Variants in SPIDR observed in about 807,000 individuals in gnomAD.
SPIDR encodes the protein DNA repair-scaffolding protein.
Under a neutral mutation model 104.6 loss-of-function variants are expected in SPIDR, and 93 were observed. The observed-to-expected ratio is 0.89, with a 90% confidence interval of 0.75 to 1.06. The LOEUF (loss-of-function observed/expected upper bound fraction) is 1.06, where lower values mean the gene tolerates loss of function less well. Among genes scored for constraint, SPIDR ranks in the 50% least tolerant of loss-of-function variants. The probability of loss-of-function intolerance (pLI) is 0.00; values close to 1 mark genes in which losing one functional copy is unlikely to be tolerated. For synonymous variants in SPIDR, 431 were observed against 416.9 expected (o/e 1.03, Z -0.41); for missense variants, 1,154 against 1,111.2 (o/e 1.04, Z -0.55).
intron 10 of SPIDR, among the ~76,000 whole-genome samples, chr8:47,602,102 TA>T (rs2062370741): frequency 6.6e-6 from 1 of 152,260 alleles, no homozygotes; most frequent in South Asian, 2.1e-4. Flanking sequence ...GGCAGTTTTT[TA>T]TACATGTACA....
At chr8:47,284,981 C>T (rs953283245) in intron 3 of SPIDR, among the ~76,000 whole-genome samples, 31 of 152,322 alleles carry the variant, frequency 2.0e-4, no homozygotes, top group Middle Eastern at 3.4e-3. Flanking sequence ...TTGTGACTTC[C>T]GGGATCTTGC....
At chr8:47,656,617 T>G (rs2072868711) in intron 10 of SPIDR, among the ~76,000 whole-genome samples, 1 of 152,154 alleles carries the variant, frequency 6.6e-6, no homozygotes, top group Non-Finnish European at 1.5e-5. Flanking sequence ...CCCCAAAAAG[T>G]TAAACATGGA....
chr8:47,420,037 A>G (rs1261530086), intron 7 of SPIDR, among the ~76,000 whole-genome samples: 5 of 152,124 alleles, frequency 3.3e-5, no homozygotes, highest in East Asian at 1.9e-4. Context: ...ATTTCCAACT[A>G]TGTGGTCAGT....
At chr8:47,481,563 C>T (rs891012863) in intron 8 of SPIDR, among the ~76,000 whole-genome samples, 7 of 152,210 alleles carry the variant, frequency 4.6e-5, no homozygotes, top group African/African-American at 1.7e-4. Flanking sequence ...ATCGCCTGAA[C>T]CTGGGAGGCT....
chr8:47,285,362 A>G (rs1357101164), intron 3 of SPIDR, among the ~76,000 whole-genome samples: 1 of 152,220 alleles, frequency 6.6e-6, no homozygotes, highest in Non-Finnish European at 1.5e-5. Flanking sequence ...AAACTAGTAC[A>G]CATCTTTTAA....
chr8:47,699,566 T>C (rs1286192006), intron 11 of SPIDR, among the ~76,000 whole-genome samples: 1 of 152,206 alleles, frequency 6.6e-6, no homozygotes, highest in Non-Finnish European at 1.5e-5. Flanking sequence ...GATAACTTTT[T>C]TTTTTTGAGA....
At chr8:47,631,438 G>A (rs1201825422) in intron 10 of SPIDR, among the ~76,000 whole-genome samples, 2 of 152,214 alleles carry the variant, frequency 1.3e-5, no homozygotes, top group Non-Finnish European at 2.9e-5. Context: ...CCTGGTGGTT[G>A]CATATGGCAT....
chr8:47,496,486 C>T lies in SPIDR; in HGVS notation c.1097+55944C>T, dbSNP rs80176800. Among the ~76,000 whole-genome samples the T allele has an allele frequency of 1.2e-4, 18 of 152,180 alleles. No individual in the cohort carries two copies. The East Asian group carries it at 3.3e-3, about 28-fold the overall frequency. ...ACTTTTTTTCTTTAGTGAGATGATT[C>T]TGTTACATTAATTGAGTTTCAAGTG... On this transcript the variant is annotated intron_variant, in intron 8 of 19. Transcript: ENST00000297423.
At chr8:47,326,278 G>T (rs1451886162) in intron 5 of SPIDR, among the ~76,000 whole-genome samples, 1 of 152,106 alleles carries the variant, frequency 6.6e-6, no homozygotes, top group Non-Finnish European at 1.5e-5. Flanking sequence ...GCCTCCCAAA[G>T]TGCTGGGATT....
At chr8:47,361,607 G>A (rs1467409350) in intron 5 of SPIDR, among the ~76,000 whole-genome samples, 3 of 152,332 alleles carry the variant, frequency 2.0e-5, no homozygotes, top group African/African-American at 7.2e-5. Flanking sequence ...ATTCTCAGAC[G>A]CTTCTGCCAC....
At chr8:47,527,736 GTT>G (rs2085254850) in intron 8 of SPIDR, 1 of 152,200 alleles carries the variant, frequency 6.6e-6, no homozygotes, top group Non-Finnish European at 1.5e-5. Context: ...TCTTGGTTGG[GTT>G]CACCAGATGT....
chr8:47,260,945 C>T lies in SPIDR; in HGVS notation c.-14C>T. 1 of 1,228,102 alleles carries T rather than the reference C, an allele frequency of 8.1e-7. No individual in the cohort carries two copies. The highest frequency in any genetic ancestry group is 1.0e-6 in the Non-Finnish European group (1 of 985,378). 76.1% of individuals were successfully genotyped at this position (1,228,102 alleles called of 1,614,324 possible). A position where few individuals can be genotyped will look rare whatever the true frequency, so the allele number is the denominator to read the frequency against. ...GCGCTGAGGAGGCGGTGCGCTCAGG[C>T]GGCGCTCCCGGAGATGCCCCGCGGC... On this transcript the variant is annotated 5_prime_UTR_variant, in exon 1 of 20. Transcript: ENST00000297423.
chr8:47,281,147 A>C (rs1343436751), intron 2 of SPIDR, among the ~76,000 whole-genome samples: 1 of 152,208 alleles, frequency 6.6e-6, no homozygotes, highest in Non-Finnish European at 1.5e-5. Context: ...AGCAATGTAT[A>C]TACCCTAATT....
chr8:47,617,033 T>C (rs944484481), intron 10 of SPIDR, among the ~76,000 whole-genome samples: 5 of 152,188 alleles, frequency 3.3e-5, no homozygotes, highest in Non-Finnish European at 7.3e-5. Flanking sequence ...CCTTATTTTG[T>C]GTTTTTTTTA....
intron 5 of SPIDR, among the ~76,000 whole-genome samples, chr8:47,319,073 G>A (rs1266567882): frequency 6.6e-6 from 1 of 151,826 alleles, no homozygotes; most frequent in Non-Finnish European, 1.5e-5. Context: ...CATAATGACA[G>A]GATCAAATTC....
intron 8 of SPIDR, among the ~76,000 whole-genome samples, chr8:47,468,182 A>C (rs1239625412): frequency 6.6e-6 from 1 of 152,196 alleles, no homozygotes; most frequent in Non-Finnish European, 1.5e-5. Flanking sequence ...ACTACAAAAC[A>C]CTGCTTAAAG....
At chr8:47,314,657 C>G (rs1013435992) in intron 5 of SPIDR, among the ~76,000 whole-genome samples, 1 of 152,150 alleles carries the variant, frequency 6.6e-6, no homozygotes, top group Non-Finnish European at 1.5e-5. Flanking sequence ...ATGCAGTTAC[C>G]TCCCACCAGG....
In SPIDR at chr8:47,377,732, A is replaced by G. The variant is rs146969585; in HGVS notation, c.526-18644A>G. On this transcript the variant is annotated intron_variant, in intron 5 of 19. Transcript: ENST00000297423. ...AGAGTGGTCAAGGTTTCAAGCATGC[A>G]AACATTTCTATCAGAATATTCCAAG... Among the ~76,000 whole-genome samples the G allele has an allele frequency of 6.4e-4, 97 of 152,298 alleles. 1 individual carries two copies. In the East Asian group the frequency reaches 8.7e-3, roughly 14 times the overall value.
At chr8:47,563,411 T>C (rs964228165) in intron 8 of SPIDR, among the ~76,000 whole-genome samples, 12 of 152,218 alleles carry the variant, frequency 7.9e-5, no homozygotes, top group Non-Finnish European at 1.6e-4. Context: ...GGATTCAAGC[T>C]ATTCTTCGCC....
Sources: gnomAD v4.1 joint callset for allele counts (sites outside exome capture counted in the v4.1 genomes callset) on GRCh38, gnomAD v4.1.1 for gene constraint, MANE v1.5 for transcripts, NCBI Gene and HGNC (gene_info 2026-07-23, HGNC 2026-07-21) for gene names.